UQCC2: variants seen among roughly 807,000 people sequenced by gnomAD.
UQCC2 encodes breast cancer-associated protein SGA-81M.
UQCC2 carries 21 observed loss-of-function variants against 19.9 expected under a neutral mutation model. The observed-to-expected ratio is 1.05, with a 90% CI of 0.75 to 1.52. UQCC2 has a LOEUF of 1.52. Ranked by LOEUF, UQCC2 falls within the 40% of genes most tolerant of loss-of-function variation. UQCC2 has a pLI of 0.00. For synonymous variants in UQCC2, 57 were observed against 60.9 expected, an observed-to-expected ratio of 0.94 and a Z score of 0.30; for missense variants, 135 against 157.5, an observed-to-expected ratio of 0.86 and a Z score of 0.76.
At chr6:33,703,534 G>C (rs193241549) in intron 1 of UQCC2, among the ~76,000 whole-genome samples, 1 of 152,024 alleles carries the variant, frequency 6.6e-6, no homozygotes, top group African/African-American at 2.4e-5. Flanking sequence ...AGGCTGTAGG[G>C]AGCAGGGGAG....
intron 3 of UQCC2, among the ~76,000 whole-genome samples, chr6:33,698,850 G>A (rs1019501216): frequency 5.3e-5 from 8 of 152,140 alleles, no homozygotes; most frequent in Non-Finnish European, 8.8e-5. Context: ...AGTCTCTAGG[G>A]CTAATGTTCC....
At position 33,700,487 on chromosome 6, in the gene UQCC2, G is replaced by A. The variant is rs143078511; in HGVS notation, c.240C>T (p.Phe80=). The A allele has an allele frequency of 5.6e-6, 9 of 1,614,088 alleles. No individual in the cohort carries two copies. The African/African-American group carries it at 1.2e-4, about 22-fold the overall frequency. ...TGTACTCTTCCAACGACAGGCCACT[G>A]AAGCTGGTGTCTCTGGGGCGAGGGT... ...HKYPRPRDTS[F]SGLSLEEYKL... Residue 80 remains phenylalanine, a synonymous_variant, in exon 3 of 4, where the codon TTC becomes TTT. Coordinates refer to ENST00000607484, the MANE Select transcript of UQCC2 (RefSeq NM_032340.4).
chr6:33,706,499 G>C (rs1484538763), intron 1 of UQCC2, among the ~76,000 whole-genome samples: 2 of 152,212 alleles, frequency 1.3e-5, no homozygotes, highest in Admixed American at 1.3e-4. Flanking sequence ...GTAAGTGAGA[G>C]CCAGATCTGC....
chr6:33,702,127 C>T (rs1254965471), intron 1 of UQCC2, among the ~76,000 whole-genome samples: 1 of 152,150 alleles, frequency 6.6e-6, no homozygotes, highest in Non-Finnish European at 1.5e-5. Context: ...CAGCCTCAGC[C>T]TCCTGAGTAA....
intron 1 of UQCC2, among the ~76,000 whole-genome samples, chr6:33,704,957 G>A (rs1765682037): frequency 6.6e-6 from 1 of 152,112 alleles, no homozygotes; most frequent in South Asian, 2.1e-4. Flanking sequence ...CACCCTTGCA[G>A]AGTGCTGCTC....
chr6:33,710,154 C>T lies in UQCC2; in HGVS notation c.138+1395G>A, dbSNP rs150542843. On this transcript the variant is annotated intron_variant, in intron 1 of 3. Transcript: ENST00000607484. The stretch of plus-strand genomic sequence containing the variant: ...GACTCAACCTGCGCATAACCTGAAT[C>T]CAACCACTTCCATCTTCTGTGCTGC... Among the ~76,000 whole-genome samples the T allele has an allele frequency of 7.0e-3, 1,069 of 152,270 alleles. 10 individuals carry two copies. Among genetic ancestry groups the T allele is most frequent in the Middle Eastern group, 0.024 (7 of 294 alleles).
rs1561888289 is a variant in UQCC2, at chr6:33,697,767, C to A, written c.284-17G>T. 5.6e-6 allele frequency: 9 copies of A among 1,598,972 alleles called. No homozygotes were observed. The highest frequency in any genetic ancestry group is 5.2e-5 in the Admixed American group (3 of 57,884). Reference sequence around the variant, plus strand: ...CCAAGGTGTCTGCAAAAGGGGAAGACAAAAAGAGAGAGGGACTGAAGTCTA... The same window carrying A: ...CCAAGGTGTCTGCAAAAGGGGAAGAAAAAAAGAGAGAGGGACTGAAGTCTA... On this transcript the variant is annotated splice_polypyrimidine_tract_variant and intron_variant, in intron 3 of 3. Coordinates refer to ENST00000607484, the MANE Select transcript of UQCC2 (RefSeq NM_032340.4).
At position 33,697,768 on chromosome 6, in the gene UQCC2, A is replaced by G; in HGVS notation, c.284-18T>C. ...CAAGGTGTCTGCAAAAGGGGAAGACAAAAAGAGAGAGGGACTGAAGTCTAA... is the reference window on the plus strand; with the variant it reads ...CAAGGTGTCTGCAAAAGGGGAAGACGAAAAGAGAGAGGGACTGAAGTCTAA... On this transcript the variant is annotated intron_variant, in intron 3 of 3. Coordinates refer to ENST00000607484, the MANE Select transcript of UQCC2 (RefSeq NM_032340.4). 6.2e-7 allele frequency: 1 copy of G among 1,600,526 alleles called. No homozygotes were observed. Among genetic ancestry groups the G allele is most frequent in the Non-Finnish European group, 8.5e-7 (1 of 1,169,890 alleles).
At chr6:33,702,398 A>G (rs1765652109) in intron 1 of UQCC2, among the ~76,000 whole-genome samples, 1 of 152,180 alleles carries the variant, frequency 6.6e-6, no homozygotes, top group Non-Finnish European at 1.5e-5. Context: ...CTGAAACTCT[A>G]CAAGAAGGAA....
intron 1 of UQCC2, 53 bp downstream of exon 1, chr6:33,711,496 G>A (rs1765771202): frequency 2.0e-6 from 3 of 1,534,504 alleles, no homozygotes; most frequent in Non-Finnish European, 1.8e-6. Flanking sequence ...CGTTGGCCCC[G>A]CCCCTGCCTC....
intron 1 of UQCC2, among the ~76,000 whole-genome samples, chr6:33,702,304 G>A (rs900045066): frequency 2.0e-5 from 3 of 151,456 alleles, no homozygotes; most frequent in African/African-American, 7.3e-5. Context: ...CACCATGCCC[G>A]GCCTCAGACC....
At chr6:33,697,789 T>C (rs1361733784) in intron 3 of UQCC2, 39 bp from the exon 4 acceptor site, 1 of 1,558,722 alleles carries the variant, frequency 6.4e-7, no homozygotes, top group Non-Finnish European at 8.8e-7. Context: ...GGGACTGAAG[T>C]CTAAAACTTG....
At chr6:33,707,567 T>A (rs971464478) in intron 1 of UQCC2, among the ~76,000 whole-genome samples, 2 of 152,238 alleles carry the variant, frequency 1.3e-5, no homozygotes, top group African/African-American at 4.8e-5. Context: ...ATTATTATAC[T>A]TAAACTTGCA....
At chr6:33,700,673 G>A (rs1007468133) in intron 2 of UQCC2, among the ~76,000 whole-genome samples, 160 bp from the exon 3 acceptor site, 2 of 152,174 alleles carry the variant, frequency 1.3e-5, no homozygotes, top group African/African-American at 4.8e-5. Context: ...GGCCTCGCAA[G>A]AACCAGTACA....
Position 33,697,529 on chromosome 6 carries a change from C to A in UQCC2, c.*124G>T, listed in dbSNP as rs1765577850. On this transcript the variant is annotated 3_prime_UTR_variant, in exon 4 of 4. Coordinates refer to ENST00000607484, the MANE Select transcript of UQCC2 (RefSeq NM_032340.4). ...CTTTCTTTAGAGCAGCAAGGGCTTCCTTTCTGGGAAAGCTAGAGGAGATTC... is the reference window on the plus strand; with the variant it reads ...CTTTCTTTAGAGCAGCAAGGGCTTCATTTCTGGGAAAGCTAGAGGAGATTC... 2.9e-6 allele frequency: 2 copies of A among 701,484 alleles called. No individual in the cohort carries two copies. Among genetic ancestry groups the A allele is most frequent in the African/African-American group, 3.6e-5 (2 of 56,056 alleles). 43.5% of individuals were successfully genotyped at this position (701,484 alleles called of 1,614,324 possible). A position where few individuals can be genotyped will look rare whatever the true frequency, so the allele number is the denominator to read the frequency against.
At chr6:33,708,574 AC>A (rs1254273862) in intron 1 of UQCC2, among the ~76,000 whole-genome samples, 30 of 152,268 alleles carry the variant, frequency 2.0e-4, no homozygotes, top group Admixed American at 1.1e-3. Flanking sequence ...TCTCTCCTCT[AC>A]GGAAATGGAA....
At chr6:33,706,849 A>T (rs547687919) in intron 1 of UQCC2, among the ~76,000 whole-genome samples, 1 of 152,176 alleles carries the variant, frequency 6.6e-6, no homozygotes, top group Non-Finnish European at 1.5e-5. Context: ...GTCTCAAAGG[A>T]TCAGAATTGC....
At chr6:33,698,956 G>C (rs1765606182) in intron 3 of UQCC2, among the ~76,000 whole-genome samples, 1 of 151,894 alleles carries the variant, frequency 6.6e-6, no homozygotes. Context: ...AAAACTACTG[G>C]AGAAAAAAAG....
In UQCC2 at chr6:33,697,543, T is replaced by C; in HGVS notation, c.*110A>G. The C allele has an allele frequency of 1.3e-6, 1 of 777,616 alleles. No homozygotes were observed. The highest frequency in any genetic ancestry group is 2.0e-6 in the Non-Finnish European group (1 of 488,090). The allele number at this position is 777,616 out of a possible 1,614,324, so 48.2% of individuals were successfully genotyped here. On this transcript the variant is annotated 3_prime_UTR_variant, in exon 4 of 4. Transcript: ENST00000607484. ...GCAAGGGCTTCCTTTCTGGGAAAGC[T>C]AGAGGAGATTCCCAAACCGTAAGGT... is the stretch of plus-strand genomic sequence containing the variant.
Sources: gnomAD v4.1 joint callset for allele counts (sites outside exome capture counted in the v4.1 genomes callset) on GRCh38, gnomAD v4.1.1 for gene constraint, MANE v1.5 for transcripts, NCBI Gene and HGNC (gene_info 2026-07-23, HGNC 2026-07-21) for gene names.